The following LRP1B variants were observed in gnomAD, a reference collection of about 807,000 sequenced individuals.
LRP1B encodes the protein LDL receptor related protein 1B, also known as low-density lipoprotein receptor-related protein 1B.
A neutral mutation model predicts 556.6 loss-of-function variants in LRP1B; 217 were observed. The observed-to-expected ratio is 0.39, with a 90% CI of 0.35 to 0.44. LRP1B has a LOEUF of 0.44. Ranked by LOEUF, LRP1B falls within the 20% of genes least tolerant of loss-of-function variation. LRP1B has a pLI of 1.00. For synonymous variants in LRP1B, 2,047 were observed against 1,865.8 expected, an observed-to-expected ratio of 1.10 and a Z score of -2.50; for missense variants, 5,053 against 5,620.8, an observed-to-expected ratio of 0.90 and a Z score of 3.23.
At chr2:140,662,703 T>G (rs192066943) in intron 41 of LRP1B, among the ~76,000 whole-genome samples, 119 of 152,282 alleles carry the variant, frequency 7.8e-4, no homozygotes, top group African/African-American at 2.8e-3. Context: ...ATATTCCCTA[T>G]GGCAAACCAT....
chr2:141,888,648 G>A (rs1296305141), intron 1 of LRP1B, among the ~76,000 whole-genome samples: 1 of 152,152 alleles, frequency 6.6e-6, no homozygotes, highest in Non-Finnish European at 1.5e-5. Context: ...AAGATGAAAA[G>A]CATATTCAAG....
At chr2:141,936,146 A>T (rs1191998993) in intron 1 of LRP1B, among the ~76,000 whole-genome samples, 2 of 152,212 alleles carry the variant, frequency 1.3e-5, no homozygotes, top group African/African-American at 4.8e-5. Context: ...TGTATTCTGT[A>T]TAAGATCAGA....
At chr2:140,828,930 TGGAA>T in intron 31 of LRP1B, among the ~76,000 whole-genome samples, 1 of 151,622 alleles carries the variant, frequency 6.6e-6, no homozygotes, top group East Asian at 1.9e-4. Flanking sequence ...AGTAAAGAGA[TGGAA>T]GAAGATAGCC....
intron 6 of LRP1B, among the ~76,000 whole-genome samples, chr2:141,211,158 T>C (rs1214959943): frequency 6.6e-6 from 1 of 151,872 alleles, no homozygotes; most frequent in Non-Finnish European, 1.5e-5. Context: ...CAGCTAATTT[T>C]GGTATTTTTA....
At chr2:141,894,828 T>G (rs936605870) in intron 1 of LRP1B, among the ~76,000 whole-genome samples, 2 of 151,974 alleles carry the variant, frequency 1.3e-5, no homozygotes, top group East Asian at 3.9e-4. Flanking sequence ...GGCAGACAGA[T>G]CACTTTAAGT....
intron 1 of LRP1B, among the ~76,000 whole-genome samples, chr2:141,844,047 G>T (rs530350474): frequency 6.6e-6 from 1 of 152,158 alleles, no homozygotes; most frequent in South Asian, 2.1e-4. Flanking sequence ...TTCTCACACT[G>T]CACTATGAGC....
At chr2:141,875,227 C>A (rs1414195824) in intron 1 of LRP1B, among the ~76,000 whole-genome samples, 1 of 151,716 alleles carries the variant, frequency 6.6e-6, no homozygotes, top group Middle Eastern at 3.4e-3. Context: ...CCAGGCGGGT[C>A]TCAAACTCCT....
chr2:140,817,634 C>T (rs1458939597), intron 31 of LRP1B, among the ~76,000 whole-genome samples: 4 of 151,794 alleles, frequency 2.6e-5, no homozygotes, highest in Admixed American at 1.3e-4. Flanking sequence ...TACCTACATA[C>T]AGTATTTCAT....
intron 2 of LRP1B, among the ~76,000 whole-genome samples, chr2:141,490,944 T>C (rs908816729): frequency 6.6e-6 from 1 of 151,762 alleles, no homozygotes; most frequent in African/African-American, 2.4e-5. Flanking sequence ...TTTTTTTTTT[T>C]TTTTTTTTTA....
At chr2:141,909,776 A>G (rs1272898740) in intron 1 of LRP1B, among the ~76,000 whole-genome samples, 1 of 152,012 alleles carries the variant, frequency 6.6e-6, no homozygotes, top group Non-Finnish European at 1.5e-5. Context: ...TGAATGCAAC[A>G]TAAGAAATTC....
chr2:140,748,847 T>C (rs1688470218), intron 35 of LRP1B, among the ~76,000 whole-genome samples: 1 of 138,362 alleles, frequency 7.2e-6, no homozygotes, highest in Non-Finnish European at 1.6e-5. Flanking sequence ...TATACATGTA[T>C]ATAATATATA....
At chr2:141,439,301 G>A (rs1350241565) in intron 3 of LRP1B, among the ~76,000 whole-genome samples, 1 of 151,920 alleles carries the variant, frequency 6.6e-6, no homozygotes, top group Non-Finnish European at 1.5e-5. Context: ...TGGTTTTCTT[G>A]CAGTGTTCAC....
intron 35 of LRP1B, among the ~76,000 whole-genome samples, chr2:140,743,064 A>G (rs1688192920): frequency 1.3e-5 from 2 of 152,212 alleles, no homozygotes; most frequent in Non-Finnish European, 2.9e-5. Context: ...TAGATGAAAT[A>G]AATTCTAAAA....
At chr2:141,651,040 C>CGGA (rs1689769580) in intron 2 of LRP1B, among the ~76,000 whole-genome samples, 1 of 151,950 alleles carries the variant, frequency 6.6e-6, no homozygotes, top group Admixed American at 6.6e-5. Flanking sequence ...CTTATCCATG[C>CGGA]CGGACTTTAC....
intron 2 of LRP1B, among the ~76,000 whole-genome samples, chr2:141,599,071 C>G (rs1574123757): frequency 3.9e-5 from 4 of 101,456 alleles, no homozygotes; most frequent in East Asian, 3.0e-4. Flanking sequence ...CCCCCCCCCC[C>G]CCCGCTTTAA....
At chr2:140,595,087 AATATATATATATATATAT>A (rs60138085) in intron 43 of LRP1B, among the ~76,000 whole-genome samples, 2,564 of 99,534 alleles carry the variant, frequency 0.026, 82 homozygotes, top group East Asian at 0.11. Context: ...ATATAAATTG[AATATATATATATATATAT>A]ATATATATAT....
At chr2:141,049,589 A>C (rs985872073) in intron 10 of LRP1B, among the ~76,000 whole-genome samples, 1 of 152,094 alleles carries the variant, frequency 6.6e-6, no homozygotes, top group Non-Finnish European at 1.5e-5. Context: ...TTCTGTCGAT[A>C]CTAACTGTAC....
intron 3 of LRP1B, among the ~76,000 whole-genome samples, chr2:141,342,584 A>G (rs1688105780): frequency 6.6e-6 from 1 of 151,988 alleles, no homozygotes; most frequent in African/African-American, 2.4e-5. Flanking sequence ...ATACACAAGT[A>G]TCGATAGCCG....
intron 7 of LRP1B, among the ~76,000 whole-genome samples, chr2:141,065,257 TA>T (rs1699448094): frequency 6.6e-6 from 1 of 151,928 alleles, no homozygotes; most frequent in African/African-American, 2.4e-5. Flanking sequence ...ACTCTATTCC[TA>T]AACACTTCAG....
Sources: gnomAD v4.1 joint callset for allele counts (sites outside exome capture counted in the v4.1 genomes callset) on GRCh38, gnomAD v4.1.1 for gene constraint, MANE v1.5 for transcripts, NCBI Gene and HGNC (gene_info 2026-07-23, HGNC 2026-07-21) for gene names.